The following HIBCH variants were observed in gnomAD, a reference collection of about 807,000 sequenced individuals.
HIBCH encodes 3-hydroxyisobutyryl-CoA hydrolase, mitochondrial.
In HIBCH, 50 loss-of-function variants were observed where a neutral mutation model predicts 58.2. The observed-to-expected ratio is 0.86, with a 90% CI of 0.68 to 1.09. The LOEUF (loss-of-function observed/expected upper bound fraction) is 1.09. Among genes scored for constraint, HIBCH ranks in the 50% least tolerant of loss-of-function variants. HIBCH has a pLI of 0.00. For synonymous variants in HIBCH, 151 were observed against 146.9 expected, an observed-to-expected ratio of 1.03 and a Z score of -0.20; for missense variants, 450 against 449.7, an observed-to-expected ratio of 1.00 and a Z score of -0.01.
intron 1 of HIBCH, among the ~76,000 whole-genome samples, chr2:190,313,257 C>T (rs150841462): frequency 3.9e-5 from 6 of 152,032 alleles, no homozygotes; most frequent in East Asian, 1.9e-4. Flanking sequence ...GTTATTGCTT[C>T]CTTAAACCTT....
At chr2:190,273,916 CCT>C (rs1425049568) in intron 6 of HIBCH, among the ~76,000 whole-genome samples, 1 of 151,954 alleles carries the variant, frequency 6.6e-6, no homozygotes, top group Non-Finnish European at 1.5e-5. Flanking sequence ...CTCAAACAAT[CCT>C]CCCGCCTCAA....
At chr2:190,309,733 T>A (rs549000539) in intron 2 of HIBCH, among the ~76,000 whole-genome samples, 1 of 152,078 alleles carries the variant, frequency 6.6e-6, no homozygotes, top group East Asian at 1.9e-4. Context: ...TTTTTGTATT[T>A]TTTTTTTAGC....
chr2:190,258,340 G>A (rs1686986470), intron 7 of HIBCH, among the ~76,000 whole-genome samples: 1 of 152,074 alleles, frequency 6.6e-6, no homozygotes, highest in Non-Finnish European at 1.5e-5. Flanking sequence ...CCCAGTCTCA[G>A]GTAGTTCTTT....
intron 6 of HIBCH, among the ~76,000 whole-genome samples, chr2:190,271,552 A>G (rs997694533): frequency 1.3e-5 from 2 of 151,928 alleles, no homozygotes; most frequent in Non-Finnish European, 2.9e-5. Context: ...CACCTCCCAA[A>G]GTGCTGGGAT....
chr2:190,237,547 A>G, intron 11 of HIBCH, among the ~76,000 whole-genome samples: 1 of 152,050 alleles, frequency 6.6e-6, no homozygotes, highest in South Asian at 2.1e-4. Context: ...TCGTGTTTAC[A>G]CTTTTTTGGA....
intron 11 of HIBCH, among the ~76,000 whole-genome samples, chr2:190,225,629 T>C (rs149482456): frequency 4.9e-4 from 74 of 152,242 alleles, no homozygotes; most frequent in Middle Eastern, 3.4e-3. Flanking sequence ...CAATAATTAA[T>C]AGCCCACCAA....
At chr2:190,229,935 A>G (rs541037299) in intron 11 of HIBCH, among the ~76,000 whole-genome samples, 136 of 152,322 alleles carry the variant, frequency 8.9e-4, no homozygotes, top group African/African-American at 2.5e-3. Context: ...GACAGGTAGC[A>G]AAAGTCCAAA....
At chr2:190,261,037 C>T in intron 7 of HIBCH, 119 bp downstream of exon 7, 1 of 753,444 alleles carries the variant, frequency 1.3e-6, no homozygotes, top group East Asian at 2.6e-5. Context: ...TTTTTAAAAT[C>T]CTTTCATTGT....
At chr2:190,257,918 C>T (rs1428408501) in intron 7 of HIBCH, among the ~76,000 whole-genome samples, 1 of 152,198 alleles carries the variant, frequency 6.6e-6, no homozygotes, top group Non-Finnish European at 1.5e-5. Flanking sequence ...AAGTTTCCAA[C>T]ACGTGAACTT....
chr2:190,299,408 T>C (rs1688198186), intron 2 of HIBCH, among the ~76,000 whole-genome samples: 1 of 152,230 alleles, frequency 6.6e-6, no homozygotes, highest in African/African-American at 2.4e-5. Flanking sequence ...TCAATTTCAT[T>C]TGAATTTCTC....
At chr2:190,235,240 G>C (rs1283650670) in intron 11 of HIBCH, among the ~76,000 whole-genome samples, 2 of 152,140 alleles carry the variant, frequency 1.3e-5, no homozygotes, top group Non-Finnish European at 2.9e-5. Context: ...ATTAATCACA[G>C]GTTCATATTA....
At position 190,236,849 on chromosome 2, in the gene HIBCH, A is replaced by G. The variant is rs532696167; in HGVS notation, c.891+8038T>C. Reference sequence around the variant, plus strand: ...ACTATTTTATGTTTCCTAAATGCCAATGGTAGCATTTAAGGGTCGCTAAGG... The same window carrying G: ...ACTATTTTATGTTTCCTAAATGCCAGTGGTAGCATTTAAGGGTCGCTAAGG... On this transcript the variant is annotated intron_variant, in intron 11 of 13. Coordinates refer to ENST00000359678, the MANE Select transcript of HIBCH (RefSeq NM_014362.4). This position sits in a 1 kb window ranked among gnomAD's most constrained non-coding sequence, Gnocchi z 4.1. Among the ~76,000 whole-genome samples the G allele has an allele frequency of 3.9e-5, 6 of 152,324 alleles. No individual in the cohort carries two copies. The highest frequency in any genetic ancestry group is 2.1e-4 in the South Asian group (1 of 4,828).
intron 11 of HIBCH, among the ~76,000 whole-genome samples, chr2:190,232,205 T>C (rs1308256629): frequency 2.0e-5 from 3 of 152,040 alleles, no homozygotes; most frequent in Admixed American, 1.3e-4. Flanking sequence ...AAAAAAATTT[T>C]TTTTAATTTC....
At chr2:190,226,549 T>C (rs6434383) in intron 11 of HIBCH, among the ~76,000 whole-genome samples, 44,915 of 145,460 alleles carry the variant, frequency 0.31, 7,563 homozygotes, top group East Asian at 0.46. Context: ...GAGCCGAGAT[T>C]GTGCCACCGC....
intron 11 of HIBCH, among the ~76,000 whole-genome samples, chr2:190,219,560 G>A (rs1685657242): frequency 6.6e-6 from 1 of 152,110 alleles, no homozygotes; most frequent in South Asian, 2.1e-4. Context: ...AGCAACTTAG[G>A]TCATAAGTCA....
chr2:190,308,372 C>G (rs991823589), intron 2 of HIBCH, among the ~76,000 whole-genome samples: 1 of 152,170 alleles, frequency 6.6e-6, no homozygotes, highest in African/African-American at 2.4e-5. Flanking sequence ...CCCTCCCAAA[C>G]TCCTGTTGAA....
At chr2:190,276,483 G>A (rs148804244) in intron 6 of HIBCH, among the ~76,000 whole-genome samples, 2 of 152,296 alleles carry the variant, frequency 1.3e-5, no homozygotes, top group East Asian at 3.9e-4. Context: ...CAAATGGAAG[G>A]TGTGGTCATG....
At chr2:190,244,176 A>G (rs1407441501) in intron 11 of HIBCH, among the ~76,000 whole-genome samples, 1 of 152,156 alleles carries the variant, frequency 6.6e-6, no homozygotes, top group Non-Finnish European at 1.5e-5. Context: ...TATACGAAAA[A>G]TGCTATCAGA....
At chr2:190,277,649 A>T (rs1252844784) in intron 6 of HIBCH, among the ~76,000 whole-genome samples, 1 of 152,236 alleles carries the variant, frequency 6.6e-6, no homozygotes, top group Non-Finnish European at 1.5e-5. Context: ...TTAGTAAGAA[A>T]ATAAACTGAA....
Sources: gnomAD v4.1 joint callset for allele counts (sites outside exome capture counted in the v4.1 genomes callset) on GRCh38, gnomAD v4.1.1 for gene constraint, Gnocchi (gnomAD v3.1) non-coding constraint, MANE v1.5 for transcripts, NCBI Gene and HGNC (gene_info 2026-07-23, HGNC 2026-07-21) for gene names.